Variants in DAB1 observed in about 807,000 individuals in gnomAD.
DAB1 encodes disabled homolog 1.
Under a neutral mutation model 64.6 loss-of-function variants are expected in DAB1, and 15 were observed. The observed-to-expected ratio is 0.23, with a 90% CI of 0.16 to 0.36. The LOEUF is 0.36. Ranked by LOEUF, DAB1 falls within the 10% of genes least tolerant of loss-of-function variation. The probability of loss-of-function intolerance (pLI) is 1.00; values close to 1 mark genes in which losing one functional copy is unlikely to be tolerated. For synonymous variants in DAB1, 235 were observed against 251.9 expected (o/e 0.93, Z 0.64); for missense variants, 596 against 706.7 (o/e 0.84, Z 1.78).
At chr1:58,479,454 C>T (rs12124662) in intron 3 of DAB1, among the ~76,000 whole-genome samples, 47,736 of 151,996 alleles carry the variant, frequency 0.31, 7,971 homozygotes, top group African/African-American at 0.43. Flanking sequence ...ATATTTTGTC[C>T]AAGAAGATTT....
chr1:57,954,446 G>C (rs188328805), intron 5 of DAB1, among the ~76,000 whole-genome samples: 1 of 152,234 alleles, frequency 6.6e-6, no homozygotes, highest in Admixed American at 6.5e-5. Context: ...CCTAGGAAGT[G>C]GTAGGTCCAG....
chr1:57,413,333 T>G (rs1164324069), intron 1 of DAB1, among the ~76,000 whole-genome samples: 1 of 152,232 alleles, frequency 6.6e-6, no homozygotes, highest in Non-Finnish European at 1.5e-5. Context: ...AAGGAGTAAT[T>G]CTGACTTTCA....
At chr1:57,518,160 C>A (rs943930071) in intron 7 of DAB1, among the ~76,000 whole-genome samples, 33 of 152,102 alleles carry the variant, frequency 2.2e-4, no homozygotes, top group African/African-American at 7.7e-4. Flanking sequence ...CAATCTGAAT[C>A]CTTGTGCTAA....
chr1:58,484,688 G>A (rs982688236), intron 3 of DAB1, among the ~76,000 whole-genome samples: 1 of 152,114 alleles, frequency 6.6e-6, no homozygotes, highest in African/African-American at 2.4e-5. Flanking sequence ...ATAGGTGAAT[G>A]GATAAACTGT....
At chr1:57,273,011 C>G (rs1274645315) in intron 2 of DAB1, among the ~76,000 whole-genome samples, 2 of 152,164 alleles carry the variant, frequency 1.3e-5, no homozygotes, top group Non-Finnish European at 2.9e-5. Flanking sequence ...TATGAAAGGT[C>G]AAAATGTTCT....
chr1:57,160,588 G>A (rs1335227803), intron 2 of DAB1, among the ~76,000 whole-genome samples: 1 of 152,146 alleles, frequency 6.6e-6, no homozygotes, highest in Non-Finnish European at 1.5e-5. Context: ...TTGTGGTGCT[G>A]CACGGATGAA....
chr1:58,364,922 A>C (rs1445192911), intron 3 of DAB1, among the ~76,000 whole-genome samples: 1 of 152,154 alleles, frequency 6.6e-6, no homozygotes, highest in Non-Finnish European at 1.5e-5. Context: ...GAGGAGTCCA[A>C]ATCATTTGTC....
chr1:57,366,027 C>T (rs1679969367), intron 1 of DAB1, among the ~76,000 whole-genome samples: 1 of 152,156 alleles, frequency 6.6e-6, no homozygotes, highest in Non-Finnish European at 1.5e-5. Context: ...GAGCGGAAAG[C>T]TAGGACTATG....
intron 6 of DAB1, among the ~76,000 whole-genome samples, chr1:57,700,436 T>G (rs1646893770): frequency 6.6e-6 from 1 of 152,180 alleles, no homozygotes; most frequent in South Asian, 2.1e-4. Flanking sequence ...TTCACCTTAT[T>G]TCCAGCTACT....
intron 7 of DAB1, among the ~76,000 whole-genome samples, chr1:57,554,274 C>T (rs1292600715): frequency 6.6e-6 from 1 of 152,194 alleles, no homozygotes. Context: ...TCAAGTTAGC[C>T]AGAAATGAAT....
intron 5 of DAB1, among the ~76,000 whole-genome samples, chr1:57,902,265 G>A (rs1644486618): frequency 6.6e-6 from 1 of 150,786 alleles, no homozygotes; most frequent in Non-Finnish European, 1.5e-5. Context: ...GTTAACAATT[G>A]CCACGTGTCT....
chr1:58,486,023 T>C (rs1345704331), intron 3 of DAB1, among the ~76,000 whole-genome samples: 1 of 152,200 alleles, frequency 6.6e-6, no homozygotes, highest in Non-Finnish European at 1.5e-5. Context: ...AGACTACAAC[T>C]ATGAGTGAAA....
At chr1:57,598,772 A>G (rs932737983) in intron 7 of DAB1, among the ~76,000 whole-genome samples, 1 of 152,134 alleles carries the variant, frequency 6.6e-6, no homozygotes. Flanking sequence ...GAGGGGAAAA[A>G]AATCAAGATC....
intron 6 of DAB1, among the ~76,000 whole-genome samples, chr1:57,727,382 C>T (rs1405735321): frequency 1.3e-5 from 2 of 152,182 alleles, no homozygotes; most frequent in African/African-American, 4.8e-5. Context: ...CAGTCGGTGG[C>T]GAGTGCTGCT....
chr1:57,406,747 C>A (rs928034479), intron 1 of DAB1, among the ~76,000 whole-genome samples: 1 of 152,184 alleles, frequency 6.6e-6, no homozygotes. Context: ...AGCTGAAATG[C>A]AGCCAACAGG....
chr1:57,078,621 C>G (rs976306993), intron 4 of DAB1, among the ~76,000 whole-genome samples: 2 of 152,106 alleles, frequency 1.3e-5, no homozygotes, highest in African/African-American at 4.8e-5. Flanking sequence ...GTATCTCTCT[C>G]ATGGTGTTGT....
intron 1 of DAB1, among the ~76,000 whole-genome samples, chr1:57,346,071 GGTTA>G (rs1374182893): frequency 2.6e-5 from 4 of 152,200 alleles, no homozygotes; most frequent in Admixed American, 2.0e-4. Flanking sequence ...AAACGGAAGA[GGTTA>G]GTGAGGTTGG....
chr1:58,408,810 CT>C (rs1644640850), intron 3 of DAB1, among the ~76,000 whole-genome samples: 2 of 152,320 alleles, frequency 1.3e-5, no homozygotes, highest in South Asian at 4.1e-4. Context: ...GGCTGCTGAA[CT>C]GTGCTGGGTA....
chr1:58,250,739 T>C (rs561307235), intron 4 of DAB1, among the ~76,000 whole-genome samples: 48 of 152,346 alleles, frequency 3.2e-4, no homozygotes, highest in African/African-American at 9.9e-4. Context: ...GCAGCCATTC[T>C]GCAGTCTTCA....
Sources: gnomAD v4.1 joint callset for allele counts (sites outside exome capture counted in the v4.1 genomes callset) on GRCh38, gnomAD v4.1.1 for gene constraint, MANE v1.5 for transcripts, NCBI Gene and HGNC (gene_info 2026-07-23, HGNC 2026-07-21) for gene names.